Variants in TXNL1 observed in about 807,000 individuals in gnomAD.
The protein encoded by TXNL1 is thioredoxin-like protein 1.
In TXNL1, 14 loss-of-function variants were observed where a neutral mutation model predicts 35.5. The ratio of observed to expected loss-of-function variants is 0.39; its 90% CI spans 0.26 to 0.62. The LOEUF is 0.62. Among genes scored for constraint, TXNL1 ranks in the 20% least tolerant of loss-of-function variants. TXNL1 has a pLI of 0.47. For synonymous variants in TXNL1, 110 were observed against 115.5 expected, an observed-to-expected ratio of 0.95 and a Z score of 0.31; for missense variants, 263 against 349.7, an observed-to-expected ratio of 0.75 and a Z score of 1.98.
intron 1 of TXNL1, among the ~76,000 whole-genome samples, chr18:56,628,572 A>C (rs543259234): frequency 6.6e-6 from 1 of 152,320 alleles, no homozygotes; most frequent in Non-Finnish European, 1.5e-5. Flanking sequence ...GAAAGCAACT[A>C]CTAGCATATA....
At chr18:56,624,488 A>C in intron 2 of TXNL1, 27 bp from the exon 3 acceptor site, 1 of 1,593,808 alleles carries the variant, frequency 6.3e-7, no homozygotes, top group East Asian at 2.2e-5. Context: ...GGACAGTGTT[A>C]TGAATTAAAT....
intron 7 of TXNL1, among the ~76,000 whole-genome samples, chr18:56,606,823 A>G (rs949547461): frequency 6.6e-6 from 1 of 152,200 alleles, no homozygotes; most frequent in African/African-American, 2.4e-5. Flanking sequence ...CTCCTTATCC[A>G]TGCTTTCACT....
chr18:56,611,127 A>T lies in TXNL1; in HGVS notation c.736-30T>A, dbSNP rs370412769. 89 of 1,380,504 alleles carry T rather than the reference A, an allele frequency of 6.4e-5. No homozygotes were observed. The African/African-American group carries it at 1.2e-3, about 19-fold the overall frequency. 85.5% of individuals were successfully genotyped at this position (1,380,504 alleles called of 1,614,324 possible). A position where few individuals can be genotyped will look rare whatever the true frequency, so the allele number is the denominator to read the frequency against. ...CAAAAAAAAGTTTGCATTTATAATT[A>T]CAATCCTTCTTCACAAACATGCTTT... On this transcript the variant is annotated intron_variant, in intron 6 of 7. Coordinates refer to ENST00000217515, the MANE Select transcript of TXNL1 (RefSeq NM_004786.3).
chr18:56,605,088 G>C (rs2023868561), intron 7 of TXNL1: 1 of 149,004 alleles, frequency 6.7e-6, no homozygotes, highest in Non-Finnish European at 1.5e-5. Context: ...AAAGCACCTA[G>C]TTGCAAGCCC....
chr18:56,621,158 A>C (rs1410553753), intron 3 of TXNL1, among the ~76,000 whole-genome samples: 1 of 151,862 alleles, frequency 6.6e-6, no homozygotes, highest in Admixed American at 6.6e-5. Flanking sequence ...TCTTCTAAAT[A>C]GTTTTTGTTT....
chr18:56,603,340 T>C (rs2023838540), intron 7 of TXNL1, among the ~76,000 whole-genome samples: 1 of 149,308 alleles, frequency 6.7e-6, no homozygotes, highest in Non-Finnish European at 1.5e-5. Flanking sequence ...TTAGAGAAGT[T>C]AATTTAAAAA....
At chr18:56,623,326 G>A (rs1201095760) in intron 3 of TXNL1, among the ~76,000 whole-genome samples, 2 of 151,844 alleles carry the variant, frequency 1.3e-5, no homozygotes, top group African/African-American at 4.8e-5. Context: ...TACTGGGGAG[G>A]CTGAGGCAGG....
intron 3 of TXNL1, among the ~76,000 whole-genome samples, chr18:56,623,940 G>GA (rs1254891367): frequency 1.4e-5 from 2 of 147,220 alleles, no homozygotes; most frequent in South Asian, 2.1e-4. Flanking sequence ...GTCAAAAAGT[G>GA]AAAAAAAAAT....
At position 56,638,562 on chromosome 18, in the gene TXNL1, G is replaced by A. The variant is rs1005380048; in HGVS notation, c.-122C>T. Reference sequence around the variant, plus strand: ...CCGAGGCCTGGACAGAAGAGGTGGCGACCGCCGAGTCTTCTCCCGGGACTC... The same window carrying A: ...CCGAGGCCTGGACAGAAGAGGTGGCAACCGCCGAGTCTTCTCCCGGGACTC... On this transcript the variant is annotated 5_prime_UTR_variant, in exon 1 of 8. Coordinates refer to ENST00000217515, the MANE Select transcript of TXNL1 (RefSeq NM_004786.3). The A allele has an allele frequency of 4.4e-4, 430 of 972,088 alleles. 1 individual carries two copies. Among genetic ancestry groups the A allele is most frequent in the Non-Finnish European group, 5.3e-4 (367 of 688,348 alleles). 60.2% of individuals were successfully genotyped at this position (972,088 alleles called of 1,614,324 possible). A position where few individuals can be genotyped will look rare whatever the true frequency, so the allele number is the denominator to read the frequency against.
At chr18:56,611,678 T>A (rs1424154696) in intron 6 of TXNL1, among the ~76,000 whole-genome samples, 1 of 151,532 alleles carries the variant, frequency 6.6e-6, no homozygotes, top group Non-Finnish European at 1.5e-5. Context: ...TATGGCAGAG[T>A]CACAATTAAA....
At chr18:56,614,373 G>A (rs2024047821) in intron 6 of TXNL1, 51 bp downstream of exon 6, 3 of 1,511,952 alleles carry the variant, frequency 2.0e-6, no homozygotes, top group Non-Finnish European at 2.7e-6. Context: ...ACTGAAAATA[G>A]TATTGTTACT....
intron 2 of TXNL1, 139 bp downstream of exon 2, chr18:56,626,222 T>C: frequency 7.0e-7 from 1 of 1,430,662 alleles, no homozygotes; most frequent in Non-Finnish European, 9.2e-7. Flanking sequence ...ACATCTGTAA[T>C]AATGACATCA....
intron 3 of TXNL1, among the ~76,000 whole-genome samples, chr18:56,623,396 C>CCAGCCTG (rs2024222351): frequency 6.7e-6 from 1 of 150,022 alleles, no homozygotes; most frequent in Admixed American, 6.7e-5. Context: ...CCACTGCACT[C>CCAGCCTG]CAGCCTGGGT....
chr18:56,598,779 G>A lies in TXNL1; in HGVS notation c.*4248C>T, dbSNP rs1555666990. Reference sequence around the variant, plus strand: ...AAAGTAAGGCGCATCTTCAGAACAAGTCTAAGAGATAGATGTTCCTATTTT... The same window carrying A: ...AAAGTAAGGCGCATCTTCAGAACAAATCTAAGAGATAGATGTTCCTATTTT... On this transcript the variant is annotated 3_prime_UTR_variant, in exon 8 of 8. Transcript: ENST00000217515. The A allele has an allele frequency of 3.3e-5, 5 of 152,198 alleles. No individual in the cohort carries two copies. The highest frequency in any genetic ancestry group is 7.4e-5 in the Non-Finnish European group (5 of 68,026). The allele number at this position is 152,198 out of a possible 1,614,324, so 9.4% of individuals were successfully genotyped here.
intron 3 of TXNL1, 57 bp downstream of exon 3, chr18:56,624,231 C>A (rs572033698): frequency 5.5e-5 from 82 of 1,489,716 alleles, no homozygotes; most frequent in Non-Finnish European, 7.1e-5. Flanking sequence ...CATTTTAGCC[C>A]AATAATGACA....
chr18:56,605,926 C>G (rs776654821), intron 7 of TXNL1, among the ~76,000 whole-genome samples: 14 of 152,204 alleles, frequency 9.2e-5, no homozygotes, highest in Non-Finnish European at 2.1e-4. Context: ...TATCCAGAAA[C>G]AGCTCACACA....
At position 56,600,687 on chromosome 18, in the gene TXNL1, CTAAT is replaced by C. The variant is rs2023800515; in HGVS notation, c.*2336_*2339del. The C allele has an allele frequency of 6.6e-6, 1 of 151,528 alleles. No homozygotes were observed. Among genetic ancestry groups the C allele is most frequent in the African/African-American group, 2.4e-5 (1 of 41,130 alleles). The allele number at this position is 151,528 out of a possible 1,614,324, so 9.4% of individuals were successfully genotyped here. ...GAACAACGTGGGGCAGGTTTCAACT[CTAAT>C]TGTTACGTGGCTGCCTCCAACAGAA... On this transcript the variant is annotated 3_prime_UTR_variant, in exon 8 of 8. Coordinates refer to ENST00000217515, the MANE Select transcript of TXNL1 (RefSeq NM_004786.3).
rs963004708 is a variant in TXNL1 at position 56,602,260 on chromosome 18, C to CTGACCTCTGGTGA, written c.*766_*767insTCACCAGAGGTCA. 5.9e-5 allele frequency: 9 copies of CTGACCTCTGGTGA among 152,134 alleles called. No homozygotes were observed. Among genetic ancestry groups the CTGACCTCTGGTGA allele is most frequent in the South Asian group, 2.1e-4 (1 of 4,832 alleles). The allele number at this position is 152,134 out of a possible 1,614,324, so 9.4% of individuals were successfully genotyped here. A position where few individuals can be genotyped will look rare whatever the true frequency, so the allele number is the denominator to read the frequency against. ...TCCTGACCTCTGGTGATTCGCCCGC[C>CTGACCTCTGGTGA]TTGGCCTCCCAAAGTACTGGGATTA... On this transcript the variant is annotated 3_prime_UTR_variant, in exon 8 of 8. Transcript: ENST00000217515.
At chr18:56,626,595 T>C in intron 1 of TXNL1, 138 bp from the exon 2 acceptor site, 1 of 816,268 alleles carries the variant, frequency 1.2e-6, no homozygotes, top group Non-Finnish European at 1.9e-6. Flanking sequence ...TTTTGTTTTT[T>C]GCTTTAGACA....
Sources: gnomAD v4.1 joint callset for allele counts (sites outside exome capture counted in the v4.1 genomes callset) on GRCh38, gnomAD v4.1.1 for gene constraint, MANE v1.5 for transcripts, NCBI Gene and HGNC (gene_info 2026-07-23, HGNC 2026-07-21) for gene names.